The following FKBP7 variants were observed in gnomAD, a reference collection of about 807,000 sequenced individuals.
FKBP7 encodes peptidyl-prolyl cis-trans isomerase FKBP7.
FKBP7 carries 24 observed loss-of-function variants against 24.3 expected under a neutral mutation model. That is an observed-to-expected ratio of 0.99 (90% CI 0.72 to 1.39). FKBP7 has a LOEUF of 1.39. Among genes scored for constraint, FKBP7 ranks in the 40% most tolerant of loss-of-function variants. The pLI is 0.00. For synonymous variants in FKBP7, 98 were observed against 92.8 expected (o/e 1.06, Z -0.32); for missense variants, 257 against 269.5 (o/e 0.95, Z 0.33).
chr2:178,467,575 T>G (rs1220702154), intron 3 of FKBP7, among the ~76,000 whole-genome samples: 2 of 152,184 alleles, frequency 1.3e-5, no homozygotes. Context: ...GTAGGATTGA[T>G]ATGAGGATTA....
rs1269896925 is a variant in FKBP7 at position 178,464,111 on chromosome 2, A to G, written c.*1659T>C. ...CTAATCTCATGGTTGTGTTACCCCTATGTATACTTTTGTTTGTTTTTGTAT... is the reference window on the plus strand; with the variant it reads ...CTAATCTCATGGTTGTGTTACCCCTGTGTATACTTTTGTTTGTTTTTGTAT... On this transcript the variant is annotated 3_prime_UTR_variant, in exon 4 of 4. Transcript: ENST00000424785. 2.1e-5 allele frequency: 3 copies of G among 145,976 alleles called. No homozygotes were observed. Among genetic ancestry groups the G allele is most frequent in the Non-Finnish European group, 3.1e-5 (2 of 64,828 alleles). 9.0% of individuals were successfully genotyped at this position (145,976 alleles called of 1,614,324 possible).
At position 178,465,888 on chromosome 2, in the gene FKBP7, G is replaced by C. The variant is rs1474295015; in HGVS notation, c.551C>G (p.Pro184Arg). The C allele has an allele frequency of 6.2e-7, 1 of 1,606,744 alleles. No homozygotes were observed. The highest frequency in any genetic ancestry group is 1.1e-5 in the South Asian group (1 of 89,196). ...LQREFEKDEKPRDKSYQDAVL... is the reference protein window; with the variant it reads ...LQREFEKDEKRRDKSYQDAVL... The stretch of plus-strand genomic sequence containing the variant: ...TGCATCCTGATATGACTTGTCACGT[G>C]GCTTCTCATCTTTTTCAAATTCCCT... The change falls in exon 4 of 4, where the codon CCA becomes CGA. Residue 184 changes from proline to arginine, a missense_variant. By Grantham distance (103) the Pro-to-Arg change is moderately radical. Coordinates refer to ENST00000424785, the MANE Select transcript of FKBP7 (RefSeq NM_181342.3).
intron 3 of FKBP7, chr2:178,467,966 CCTT>C (rs373179747): frequency 7.9e-5 from 12 of 152,282 alleles, no homozygotes; most frequent in South Asian, 4.1e-4. Flanking sequence ...CGGTAACTGC[CCTT>C]CTTCTTAAGA....
chr2:178,472,133 G>C (rs1684863465), intron 2 of FKBP7, among the ~76,000 whole-genome samples: 1 of 148,154 alleles, frequency 6.7e-6, no homozygotes, highest in Non-Finnish European at 1.5e-5. Context: ...GTAGTGCAGT[G>C]TCGCGATCTT....
intron 2 of FKBP7, 115 bp downstream of exon 2, chr2:178,476,947 G>A: frequency 2.7e-6 from 2 of 745,852 alleles, no homozygotes; most frequent in South Asian, 4.0e-5. Flanking sequence ...GAGCATGGCT[G>A]TACAAATATT....
Position 178,464,098 on chromosome 2 carries a change from T to C in FKBP7, c.*1672A>G, listed in dbSNP as rs1259040012. The stretch of plus-strand genomic sequence containing the variant: ...TATGTATTATTTACTAATCTCATGG[T>C]TGTGTTACCCCTATGTATACTTTTG... On this transcript the variant is annotated 3_prime_UTR_variant, in exon 4 of 4. Coordinates refer to ENST00000424785, the MANE Select transcript of FKBP7 (RefSeq NM_181342.3). The C allele has an allele frequency of 1.2e-4, 18 of 151,972 alleles. 1 individual carries two copies. Among genetic ancestry groups the C allele is most frequent in the Admixed American group, 1.2e-3 (18 of 15,272 alleles). The allele number at this position is 151,972 out of a possible 1,614,324, so 9.4% of individuals were successfully genotyped here. A position where few individuals can be genotyped will look rare whatever the true frequency, so the allele number is the denominator to read the frequency against.
At position 178,465,719 on chromosome 2, in the gene FKBP7, T is replaced by C. The variant is rs1003864911; in HGVS notation, c.*51A>G. The C allele has an allele frequency of 5.5e-6, 8 of 1,444,150 alleles. No individual in the cohort carries two copies. Among genetic ancestry groups the C allele is most frequent in the Non-Finnish European group, 7.3e-6 (8 of 1,093,898 alleles). The allele number at this position is 1,444,150 out of a possible 1,614,324, so 89.5% of individuals were successfully genotyped here. A position where few individuals can be genotyped will look rare whatever the true frequency, so the allele number is the denominator to read the frequency against. Reference sequence around the variant, plus strand: ...CTTGGAGAAAAGTGACTTTGTTTTATACATAAAGTACAGTAAATAGCTAAA... The same window carrying C: ...CTTGGAGAAAAGTGACTTTGTTTTACACATAAAGTACAGTAAATAGCTAAA... On this transcript the variant is annotated 3_prime_UTR_variant, in exon 4 of 4. Transcript: ENST00000424785.
chr2:178,470,484 A>G (rs1175065314), intron 2 of FKBP7, among the ~76,000 whole-genome samples: 1 of 152,252 alleles, frequency 6.6e-6, no homozygotes, highest in Non-Finnish European at 1.5e-5. Flanking sequence ...CACAGAAGAG[A>G]GGTGGCACAG....
At chr2:178,470,786 T>TA (rs1009575003) in intron 2 of FKBP7, among the ~76,000 whole-genome samples, 36 of 145,066 alleles carry the variant, frequency 2.5e-4, no homozygotes, top group South Asian at 8.8e-4. Context: ...CTGTCTCTAT[T>TA]AAAAAAAAAA....
chr2:178,468,002 T>C (rs1252929789), intron 3 of FKBP7: 2 of 152,278 alleles, frequency 1.3e-5, no homozygotes, highest in African/African-American at 4.8e-5. Context: ...CCCTTCTCCT[T>C]CTTCCACTGT....
intron 2 of FKBP7, chr2:178,472,987 A>G: frequency 1.2e-6 from 1 of 814,834 alleles, no homozygotes; most frequent in Non-Finnish European, 1.8e-6. Flanking sequence ...TTAGAGAAGC[A>G]GATCAAAGAA....
Position 178,478,412 on chromosome 2 carries a change from C to A in FKBP7, c.88G>T (p.Glu30Ter), listed in dbSNP as rs1386981098. Residue 30 changes from glutamate to a stop codon, truncating the protein, a stop_gained, in exon 1 of 4, where the codon GAG (glutamate) becomes TAG (stop). Coordinates refer to ENST00000424785, the MANE Select transcript of FKBP7 (RefSeq NM_181342.3). LOFTEE classifies it high-confidence loss of function. ...LFTAQRQKKE[E>*]STEEVKIEVL... The stretch of plus-strand genomic sequence containing the variant: ...TCTATTTTCACTTCTTCGGTGCTCT[C>A]CTCTTTCTTTTGTCTCTGAGCAGTA... 7.4e-6 allele frequency: 12 copies of A among 1,614,070 alleles called. No homozygotes were observed. The highest frequency in any genetic ancestry group is 1.3e-5 in the African/African-American group (1 of 74,906).
intron 2 of FKBP7, among the ~76,000 whole-genome samples, chr2:178,473,345 T>G (rs987671256): frequency 2.0e-5 from 3 of 152,182 alleles, no homozygotes; most frequent in Non-Finnish European, 2.9e-5. Context: ...ACACTTTTTT[T>G]GGGCCTCAGT....
chr2:178,467,274 T>C (rs1684693980), intron 3 of FKBP7, among the ~76,000 whole-genome samples: 1 of 152,224 alleles, frequency 6.6e-6, no homozygotes, highest in African/African-American at 2.4e-5. Flanking sequence ...ATTTCCACTT[T>C]TTAATTTAAT....
chr2:178,477,284 AAAATT>A, intron 1 of FKBP7, 71 bp from the exon 2 acceptor site: 1 of 1,470,080 alleles, frequency 6.8e-7, no homozygotes, highest in Non-Finnish European at 9.4e-7. Context: ...CTGGGCATTT[AAAATT>A]GGAGTCCTCT....
intron 3 of FKBP7, among the ~76,000 whole-genome samples, chr2:178,467,057 C>G (rs1684684757): frequency 6.6e-6 from 1 of 152,166 alleles, no homozygotes; most frequent in African/African-American, 2.4e-5. Flanking sequence ...TTTCTTCCAG[C>G]CAAAGCTTAG....
intron 1 of FKBP7, among the ~76,000 whole-genome samples, chr2:178,477,951 T>C (rs1685057539): frequency 6.6e-6 from 1 of 152,234 alleles, no homozygotes; most frequent in Non-Finnish European, 1.5e-5. Context: ...TCAATACTTC[T>C]GGCAAGGGAA....
chr2:178,469,978 T>C (rs1255721974), intron 2 of FKBP7, among the ~76,000 whole-genome samples, 193 bp from the exon 3 acceptor site: 1 of 151,802 alleles, frequency 6.6e-6, no homozygotes, highest in Non-Finnish European at 1.5e-5. Flanking sequence ...TGTTTTTTTT[T>C]CTCTTTTTTT....
intron 3 of FKBP7, among the ~76,000 whole-genome samples, chr2:178,467,107 A>G (rs1684686337): frequency 6.6e-6 from 1 of 152,224 alleles, no homozygotes; most frequent in South Asian, 2.1e-4. Context: ...ATACCTTCAA[A>G]TATTTCTCAG....
Sources: allele counts gnomAD v4.1 joint callset (sites outside exome capture counted in the v4.1 genomes callset), GRCh38; gene constraint gnomAD v4.1.1; transcripts MANE v1.5; gene names NCBI Gene and HGNC (gene_info 2026-07-23, HGNC 2026-07-21).